Variants in FAM120A observed in about 807,000 individuals in gnomAD.
FAM120A encodes the protein family with sequence similarity 120 member A.
In FAM120A, 15 loss-of-function variants were observed where a neutral mutation model predicts 109.7. That is an observed-to-expected ratio of 0.14 (90% CI 0.09 to 0.21). FAM120A has a LOEUF of 0.21. FAM120A is among the 10% of genes least tolerant of loss of function. The pLI is 1.00. For missense variants in FAM120A, 899 were observed against 1,439.3 expected, an observed-to-expected ratio of 0.62 and a Z score of 6.07; for synonymous variants, 493 against 572.8, an observed-to-expected ratio of 0.86 and a Z score of 1.99.
At chr9:93,549,832 G>A (rs1862031597) in intron 11 of FAM120A, among the ~76,000 whole-genome samples, 1 of 152,242 alleles carries the variant, frequency 6.6e-6, no homozygotes, top group Non-Finnish European at 1.5e-5. Flanking sequence ...AGTCATTATA[G>A]TTAGCCCTTC....
chr9:93,528,362 G>A (rs901302537), intron 8 of FAM120A, among the ~76,000 whole-genome samples: 1 of 152,210 alleles, frequency 6.6e-6, no homozygotes, highest in African/African-American at 2.4e-5. Context: ...ACAGAAAAAT[G>A]TATATGTCTT....
At chr9:93,466,833 T>G (rs1044946011) in intron 1 of FAM120A, among the ~76,000 whole-genome samples, 4 of 152,180 alleles carry the variant, frequency 2.6e-5, no homozygotes, top group Non-Finnish European at 2.9e-5. Context: ...GTAGTTTCTT[T>G]CTCTGACAGT....
rs757104039 is a variant in FAM120A at position 93,564,181 on chromosome 9, T to C, written c.3046-48T>C. On this transcript the variant is annotated intron_variant, in intron 17 of 17. Transcript: ENST00000277165. ...GCCAAAATTGGCATCCTCTCTCTTC[T>C]GTTTATCAGAAACCACCTTCTCATT... 3.2e-6 allele frequency: 5 copies of C among 1,565,070 alleles called. No individual in the cohort carries two copies. In the South Asian group the frequency reaches 5.8e-5, roughly 18 times the overall value.
In FAM120A at chr9:93,550,847, C is replaced by T. The variant is rs181261976; in HGVS notation, c.2274+156C>T. Among the ~76,000 whole-genome samples the T allele has an allele frequency of 9.2e-5, 14 of 152,324 alleles. No individual in the cohort carries two copies. In the East Asian group the frequency reaches 1.3e-3, roughly 15 times the overall value. On this transcript the variant is annotated intron_variant, in intron 12 of 17. Coordinates refer to ENST00000277165, the MANE Select transcript of FAM120A (RefSeq NM_014612.5). ...CTAATATGATAAGAACTTGATCAAT[C>T]GCCTTCATGGCAAAAGGAATATTCC...
At chr9:93,472,620 C>G (rs962725112) in intron 2 of FAM120A, among the ~76,000 whole-genome samples, 1 of 152,088 alleles carries the variant, frequency 6.6e-6, no homozygotes, top group Non-Finnish European at 1.5e-5. Context: ...CAGTCCTGTT[C>G]AAGAGGGGAT....
At chr9:93,514,186 C>T (rs1860464699) in intron 5 of FAM120A, among the ~76,000 whole-genome samples, 1 of 152,182 alleles carries the variant, frequency 6.6e-6, no homozygotes, top group South Asian at 2.1e-4. Flanking sequence ...GGAAGAGCCC[C>T]TTATACAACC....
intron 2 of FAM120A, among the ~76,000 whole-genome samples, chr9:93,474,320 T>C (rs1858452123): frequency 6.6e-6 from 1 of 152,020 alleles, no homozygotes; most frequent in Admixed American, 6.6e-5. Context: ...CCCGAGTAGC[T>C]GGGATTACAG....
At chr9:93,491,637 T>G (rs1263745018) in intron 3 of FAM120A, among the ~76,000 whole-genome samples, 2 of 152,208 alleles carry the variant, frequency 1.3e-5, no homozygotes, top group African/African-American at 4.8e-5. Flanking sequence ...CTAAATTATT[T>G]TCTTGACCTA....
intron 3 of FAM120A, among the ~76,000 whole-genome samples, chr9:93,482,184 ATTTTTT>A (rs386415495): frequency 4.2e-5 from 5 of 118,368 alleles, no homozygotes; most frequent in East Asian, 2.5e-4. Context: ...ATTCACCTCC[ATTTTTT>A]TTTTTTTTTT....
At chr9:93,482,339 T>C (rs1392499711) in intron 3 of FAM120A, among the ~76,000 whole-genome samples, 10 of 151,916 alleles carry the variant, frequency 6.6e-5, no homozygotes, top group Admixed American at 6.6e-4. Flanking sequence ...AGGTACACGC[T>C]GTTGCCACAT....
At chr9:93,508,361 G>A (rs1303907544) in intron 5 of FAM120A, among the ~76,000 whole-genome samples, 4 of 152,180 alleles carry the variant, frequency 2.6e-5, no homozygotes, top group South Asian at 2.1e-4. Context: ...GAAGGGCCCC[G>A]TGGTGTGTTT....
chr9:93,551,815 A>G (rs937142863), intron 12 of FAM120A, among the ~76,000 whole-genome samples: 7 of 152,240 alleles, frequency 4.6e-5, no homozygotes, highest in Non-Finnish European at 8.8e-5. Flanking sequence ...AACAAAACTT[A>G]GGAGAATTCA....
rs376341778 is a variant in FAM120A at position 93,458,815 on chromosome 9, C to T, written c.474+6426C>T. On this transcript the variant is annotated intron_variant, in intron 1 of 17. Coordinates refer to ENST00000277165, the MANE Select transcript of FAM120A (RefSeq NM_014612.5). ...TCTTGCACAGCTTTGGCAGGGTAGA[C>T]GGCCACATCTTCAGGGAGGTCACTC... Among the ~76,000 whole-genome samples the T allele has an allele frequency of 2.5e-4, 38 of 152,262 alleles. 1 individual carries two copies. In the East Asian group the frequency reaches 6.6e-3, roughly 26 times the overall value.
intron 10 of FAM120A, among the ~76,000 whole-genome samples, chr9:93,542,253 G>T (rs1264075906): frequency 6.6e-6 from 1 of 152,160 alleles, no homozygotes; most frequent in Non-Finnish European, 1.5e-5. Flanking sequence ...ACAACACCAG[G>T]CCCCGCTTTG....
At chr9:93,501,933 C>T (rs147726333) in intron 5 of FAM120A, among the ~76,000 whole-genome samples, 5 of 152,204 alleles carry the variant, frequency 3.3e-5, no homozygotes, top group East Asian at 1.9e-4. Context: ...ACTAACAGGG[C>T]GAAGACTGGA....
intron 5 of FAM120A, among the ~76,000 whole-genome samples, chr9:93,510,145 T>C (rs559457810): frequency 6.6e-6 from 1 of 152,324 alleles, no homozygotes; most frequent in African/African-American, 2.4e-5. Context: ...AATTCCCAAG[T>C]AGAAAATTGG....
chr9:93,533,995 C>A (rs1027845896), intron 10 of FAM120A, among the ~76,000 whole-genome samples: 4 of 152,296 alleles, frequency 2.6e-5, no homozygotes, highest in Admixed American at 2.6e-4. Flanking sequence ...ATGTGACAGT[C>A]CCCTACCCCT....
At chr9:93,463,849 T>C (rs1348718320) in intron 1 of FAM120A, among the ~76,000 whole-genome samples, 1 of 152,234 alleles carries the variant, frequency 6.6e-6, no homozygotes, top group Non-Finnish European at 1.5e-5. Flanking sequence ...GTGTTTCAGG[T>C]CCTGTGTGAA....
intron 3 of FAM120A, among the ~76,000 whole-genome samples, chr9:93,483,291 T>C (rs1858901753): frequency 2.6e-5 from 4 of 152,104 alleles, no homozygotes; most frequent in Admixed American, 2.6e-4. Flanking sequence ...TAAGAAAAAC[T>C]TCCTAAAATC....
Sources: allele counts gnomAD v4.1 joint callset (sites outside exome capture counted in the v4.1 genomes callset), GRCh38; gene constraint gnomAD v4.1.1; transcripts MANE v1.5; gene names NCBI Gene and HGNC (gene_info 2026-07-23, HGNC 2026-07-21).